The following CNTN4 variants were observed in gnomAD, a reference collection of about 807,000 sequenced individuals.
The protein encoded by CNTN4 is contactin-4.
CNTN4 carries 77 observed loss-of-function variants against 122.5 expected under a neutral mutation model. That is an observed-to-expected ratio of 0.63 (90% CI 0.52 to 0.76). CNTN4 has a LOEUF of 0.76. Ranked by LOEUF, CNTN4 falls within the 30% of genes least tolerant of loss-of-function variation. The probability of loss-of-function intolerance (pLI) is 0.00; values close to 1 mark genes in which losing one functional copy is unlikely to be tolerated. For missense variants in CNTN4, 1,256 were observed against 1,259.1 expected, an observed-to-expected ratio of 1.00 and a Z score of 0.04; for synonymous variants, 512 against 447.0, an observed-to-expected ratio of 1.15 and a Z score of -1.83.
At chr3:2,896,862 A>G (rs2151096401) in intron 10 of CNTN4, among the ~76,000 whole-genome samples, 1 of 152,222 alleles carries the variant, frequency 6.6e-6, no homozygotes, top group East Asian at 1.9e-4. Context: ...CATCTTCTCC[A>G]AAATTGTGTC....
At chr3:2,610,894 A>G (rs757258600) in intron 4 of CNTN4, among the ~76,000 whole-genome samples, 24 of 152,194 alleles carry the variant, frequency 1.6e-4, no homozygotes, top group Non-Finnish European at 2.2e-4. Context: ...CAGGTATACA[A>G]TGCAGGGAGT....
intron 2 of CNTN4, among the ~76,000 whole-genome samples, chr3:2,224,405 C>G (rs576110837): frequency 6.6e-6 from 1 of 152,256 alleles, no homozygotes; most frequent in Admixed American, 6.5e-5. Flanking sequence ...ATTTTTGTTC[C>G]TGGGAAAGAC....
intron 2 of CNTN4, among the ~76,000 whole-genome samples, chr3:2,130,681 C>G (rs1444280221): frequency 1.3e-5 from 2 of 152,050 alleles, no homozygotes; most frequent in African/African-American, 4.8e-5. Flanking sequence ...TACATAGTCC[C>G]AAGTTTTGTG....
intron 12 of CNTN4, among the ~76,000 whole-genome samples, chr3:2,908,875 G>A (rs144501379): frequency 0.015 from 2,220 of 152,180 alleles, 23 homozygotes; most frequent in Non-Finnish European, 0.021. Context: ...ATGTCTAATG[G>A]TTCAGTATCC....
intron 3 of CNTN4, among the ~76,000 whole-genome samples, chr3:2,339,893 CT>C (rs1177645609): frequency 4.6e-5 from 7 of 152,148 alleles, no homozygotes; most frequent in African/African-American, 1.7e-4. Context: ...TTTGAAGGCT[CT>C]TAAGGAGGAA....
At chr3:2,947,784 T>C (rs1022358496) in intron 13 of CNTN4, among the ~76,000 whole-genome samples, 56 of 152,308 alleles carry the variant, frequency 3.7e-4, no homozygotes, top group African/African-American at 1.3e-3. Context: ...AACACCCAAG[T>C]GAGGGTTTTC....
At chr3:2,636,613 A>G (rs1413637255) in intron 4 of CNTN4, among the ~76,000 whole-genome samples, 2 of 152,200 alleles carry the variant, frequency 1.3e-5, no homozygotes, top group African/African-American at 4.8e-5. Flanking sequence ...TCTGTTTATT[A>G]CTTTATAACT....
At chr3:3,053,785 C>T (rs1484707108) in intron 23 of CNTN4, 22 bp from the exon 24 acceptor site, 2 of 1,613,642 alleles carry the variant, frequency 1.2e-6, no homozygotes, top group East Asian at 2.2e-5. Context: ...GCAGGTGACA[C>T]CTGTTCTTTC....
At chr3:2,988,918 A>T (rs997948502) in intron 14 of CNTN4, 1 of 218,602 alleles carries the variant, frequency 4.6e-6, no homozygotes, top group Non-Finnish European at 9.3e-6. Flanking sequence ...AGAGATATGG[A>T]TATGGCTTAT....
At chr3:2,117,763 C>T (rs1358472682) in intron 2 of CNTN4, among the ~76,000 whole-genome samples, 1 of 152,026 alleles carries the variant, frequency 6.6e-6, no homozygotes, top group Non-Finnish European at 1.5e-5. Context: ...TTAAAATTTC[C>T]CGGGTGATTT....
At chr3:2,423,206 T>A (rs924211541) in intron 3 of CNTN4, among the ~76,000 whole-genome samples, 2 of 152,204 alleles carry the variant, frequency 1.3e-5, no homozygotes, top group Non-Finnish European at 2.9e-5. Context: ...TTGTTGCCTT[T>A]CTTTCTTTAT....
chr3:2,216,118 A>G (rs950672634), intron 2 of CNTN4, among the ~76,000 whole-genome samples: 5 of 152,160 alleles, frequency 3.3e-5, no homozygotes, highest in African/African-American at 9.7e-5. Context: ...CACAATAGCA[A>G]AGACATGGAA....
intron 3 of CNTN4, among the ~76,000 whole-genome samples, chr3:2,500,932 T>TC (rs1392917357): frequency 6.6e-6 from 1 of 152,168 alleles, no homozygotes; most frequent in African/African-American, 2.4e-5. Flanking sequence ...AAGTCCTCTT[T>TC]TTTCCCCCCC....
intron 8 of CNTN4, among the ~76,000 whole-genome samples, chr3:2,881,185 T>C (rs1205328395): frequency 1.3e-5 from 2 of 152,168 alleles, no homozygotes; most frequent in African/African-American, 4.8e-5. Context: ...GGAGATCCTC[T>C]TGATGCTTCT....
chr3:2,642,051 C>T (rs1197368832), intron 4 of CNTN4, among the ~76,000 whole-genome samples: 3 of 152,176 alleles, frequency 2.0e-5, no homozygotes, highest in Non-Finnish European at 2.9e-5. Flanking sequence ...TATTAAGGAG[C>T]ACTAACTCAC....
At chr3:2,813,641 T>C (rs1022752497) in intron 6 of CNTN4, among the ~76,000 whole-genome samples, 2 of 152,210 alleles carry the variant, frequency 1.3e-5, no homozygotes, top group Non-Finnish European at 2.9e-5. Context: ...ATATGTGTAA[T>C]GGCTAGTCCA....
At chr3:2,644,666 A>G (rs1438196500) in intron 4 of CNTN4, among the ~76,000 whole-genome samples, 1 of 150,500 alleles carries the variant, frequency 6.6e-6, no homozygotes, top group Non-Finnish European at 1.5e-5. Flanking sequence ...CATGCCCTAT[A>G]GGGTCTGTCT....
At chr3:2,660,386 A>T (rs1167410099) in intron 4 of CNTN4, among the ~76,000 whole-genome samples, 1 of 152,242 alleles carries the variant, frequency 6.6e-6, no homozygotes, top group Non-Finnish European at 1.5e-5. Flanking sequence ...ATAAAGCAGC[A>T]AACTACGCAA....
chr3:2,440,801 T>C (rs2151281514), intron 3 of CNTN4, among the ~76,000 whole-genome samples: 1 of 148,636 alleles, frequency 6.7e-6, no homozygotes, highest in South Asian at 2.1e-4. Context: ...CATACATATA[T>C]AACAAATATA....
Sources: allele counts gnomAD v4.1 joint callset (sites outside exome capture counted in the v4.1 genomes callset), GRCh38; gene constraint gnomAD v4.1.1; transcripts MANE v1.5; gene names NCBI Gene and HGNC (gene_info 2026-07-23, HGNC 2026-07-21).